Variants in SPAG9 observed in about 807,000 individuals in gnomAD.
The protein encoded by SPAG9 is C-Jun-amino-terminal kinase-interacting protein 4.
Under a neutral mutation model 166.5 loss-of-function variants are expected in SPAG9, and 35 were observed. The observed-to-expected ratio is 0.21, with a 90% CI of 0.16 to 0.28. The LOEUF is 0.28. Ranked by LOEUF, SPAG9 falls within the 10% of genes least tolerant of loss-of-function variation. SPAG9 has a pLI of 1.00. For missense variants in SPAG9, 1,235 were observed against 1,603.3 expected, an observed-to-expected ratio of 0.77 and a Z score of 3.92; for synonymous variants, 534 against 565.5, an observed-to-expected ratio of 0.94 and a Z score of 0.79.
intron 6 of SPAG9, chr17:51,030,775 G>A (rs2046354430): frequency 6.6e-6 from 1 of 152,156 alleles, no homozygotes; most frequent in Non-Finnish European, 1.5e-5. Context: ...ATATTTCAAA[G>A]GAAGAGGATA....
Position 50,964,952 on chromosome 17 carries a change from GGTTTCGCCAT to G in SPAG9, c.*1310_*1319del. Reference sequence around the variant, plus strand: ...TGTTTTTTTTTTTTGGTAGAGACAGGGTTTCGCCATGTTGCCCAGGCTGGTCTTGAACTCC... The same window carrying G: ...TGTTTTTTTTTTTTGGTAGAGACAGGGTTGCCCAGGCTGGTCTTGAACTCC... On this transcript the variant is annotated 3_prime_UTR_variant, in exon 30 of 30. Coordinates refer to ENST00000262013, the MANE Select transcript of SPAG9 (RefSeq NM_001130528.3). The G allele has an allele frequency of 5.4e-6, 1 of 185,298 alleles. No individual in the cohort carries two copies. Among genetic ancestry groups the G allele is most frequent in the South Asian group, 6.7e-5 (1 of 14,962 alleles). The allele number at this position is 185,298 out of a possible 1,614,324, so 11.5% of individuals were successfully genotyped here.
chr17:50,981,069 G>A (rs530843755), intron 25 of SPAG9, among the ~76,000 whole-genome samples: 1 of 152,160 alleles, frequency 6.6e-6, no homozygotes, highest in Non-Finnish European at 1.5e-5. Context: ...GTATATGTGT[G>A]TGAGGCACAG....
chr17:50,985,367 C>A (rs1231434339), intron 23 of SPAG9, among the ~76,000 whole-genome samples: 1 of 152,082 alleles, frequency 6.6e-6, no homozygotes, highest in Non-Finnish European at 1.5e-5. Flanking sequence ...TAGAAAAGAA[C>A]TAGTAATCAA....
intron 1 of SPAG9, among the ~76,000 whole-genome samples, chr17:51,103,321 G>C (rs564238450): frequency 6.6e-6 from 1 of 152,318 alleles, no homozygotes; most frequent in East Asian, 1.9e-4. Flanking sequence ...AGCGCTGAAA[G>C]TGCTACAAGA....
chr17:51,037,079 C>T (rs1421718351), intron 5 of SPAG9, among the ~76,000 whole-genome samples: 1 of 152,092 alleles, frequency 6.6e-6, no homozygotes, highest in East Asian at 1.9e-4. Flanking sequence ...TGTCCATTCT[C>T]AGTCTTAGCC....
chr17:51,004,702 C>T (rs184799024), intron 12 of SPAG9, among the ~76,000 whole-genome samples: 19 of 152,140 alleles, frequency 1.2e-4, no homozygotes, highest in African/African-American at 3.9e-4. Flanking sequence ...TGCACTCCAG[C>T]CTCGGTGACA....
intron 7 of SPAG9, 45 bp from the exon 8 acceptor site, chr17:51,020,303 GT>G (rs1328570189): frequency 1.6e-6 from 2 of 1,246,026 alleles, no homozygotes; most frequent in South Asian, 2.5e-5. Context: ...ATATTACACA[GT>G]ACCCCAATAT....
intron 14 of SPAG9, chr17:50,999,428 T>C (rs2143934159): frequency 7.6e-6 from 11 of 1,443,686 alleles, no homozygotes; most frequent in Non-Finnish European, 1.0e-5. Flanking sequence ...ACAGTCAACA[T>C]GATGCAGCTT....
intron 19 of SPAG9, among the ~76,000 whole-genome samples, chr17:50,992,649 C>T (rs766696983): frequency 6.6e-6 from 1 of 151,984 alleles, no homozygotes; most frequent in African/African-American, 2.4e-5. Flanking sequence ...CACTGCAATC[C>T]AGCCTGGGCA....
chr17:50,984,556 A>G (rs982866013), intron 24 of SPAG9, among the ~76,000 whole-genome samples: 2 of 152,154 alleles, frequency 1.3e-5, no homozygotes, highest in Non-Finnish European at 2.9e-5. Context: ...TCGTGGTGGC[A>G]GGCGCCTGTA....
chr17:51,008,704 A>G (rs1004321646), intron 9 of SPAG9, among the ~76,000 whole-genome samples: 1 of 152,168 alleles, frequency 6.6e-6, no homozygotes. Context: ...AAAGAATTAA[A>G]TATCAGAAAT....
chr17:50,977,928 T>C (rs1272396694), intron 26 of SPAG9, among the ~76,000 whole-genome samples: 2 of 152,184 alleles, frequency 1.3e-5, no homozygotes, highest in African/African-American at 2.4e-5. Context: ...TTTGATCTTA[T>C]AAGCTGAAAA....
intron 3 of SPAG9, among the ~76,000 whole-genome samples, chr17:51,052,478 A>T (rs2047207758): frequency 6.6e-6 from 1 of 152,188 alleles, no homozygotes; most frequent in African/African-American, 2.4e-5. Flanking sequence ...GAAGCTGCTC[A>T]TAACTGAGGG....
At chr17:50,979,638 G>A in intron 26 of SPAG9, 108 bp downstream of exon 26, 2 of 1,068,318 alleles carry the variant, frequency 1.9e-6, no homozygotes, top group African/African-American at 1.6e-5. Context: ...CATAGCCACT[G>A]CACTCCATCC....
Position 50,985,873 on chromosome 17 carries a change from A to G in SPAG9, c.2940-95T>C, listed in dbSNP as rs9897413. 0.013 allele frequency: 8,992 copies of G among 668,216 alleles called. 620 individuals are homozygous for G. In the African/African-American group the frequency reaches 0.15, roughly 11 times the overall value. The allele number at this position is 668,216 out of a possible 1,614,324, so 41.4% of individuals were successfully genotyped here. On this transcript the variant is annotated intron_variant, in intron 22 of 29. Coordinates refer to ENST00000262013, the MANE Select transcript of SPAG9 (RefSeq NM_001130528.3). The stretch of plus-strand genomic sequence containing the variant: ...CGCGAAGTTCATTCAGAAGGAAAGA[A>G]GAGTAACATACAAATTTTAGGAAAA...
chr17:51,117,274 C>A (rs1285764757), intron 1 of SPAG9, among the ~76,000 whole-genome samples: 1 of 152,204 alleles, frequency 6.6e-6, no homozygotes, highest in Admixed American at 6.6e-5. Flanking sequence ...ATTCTATCTA[C>A]ATACCCACCT....
intron 25 of SPAG9, 142 bp from the exon 26 acceptor site, chr17:50,980,059 CA>C: frequency 1.4e-6 from 1 of 722,834 alleles, no homozygotes; most frequent in South Asian, 2.0e-5. Flanking sequence ...CTTATATACA[CA>C]ATTGTTTTCA....
At chr17:51,088,546 C>G (rs950815508) in intron 1 of SPAG9, among the ~76,000 whole-genome samples, 1 of 152,160 alleles carries the variant, frequency 6.6e-6, no homozygotes, top group East Asian at 1.9e-4. Context: ...CCTGTAATCT[C>G]AGTACTTTGG....
chr17:51,090,744 G>C (rs2048442775), intron 1 of SPAG9, among the ~76,000 whole-genome samples: 1 of 152,194 alleles, frequency 6.6e-6, no homozygotes, highest in South Asian at 2.1e-4. Context: ...AGGCTGATAA[G>C]AGATGGCTGA....
Sources: gnomAD v4.1 joint callset for allele counts (sites outside exome capture counted in the v4.1 genomes callset) on GRCh38, gnomAD v4.1.1 for gene constraint, MANE v1.5 for transcripts, NCBI Gene and HGNC (gene_info 2026-07-23, HGNC 2026-07-21) for gene names.